CHD4: variants seen among roughly 807,000 people sequenced by gnomAD.
The protein encoded by CHD4 is chromodomain helicase DNA binding protein 4.
A neutral mutation model predicts 235.5 loss-of-function variants in CHD4; 35 were observed. The observed-to-expected ratio is 0.15, with a 90% confidence interval of 0.11 to 0.20. The LOEUF (loss-of-function observed/expected upper bound fraction) is 0.20. Ranked by LOEUF, CHD4 falls within the 10% of genes least tolerant of loss-of-function variation. The probability of loss-of-function intolerance (pLI) is 1.00; values close to 1 mark genes in which losing one functional copy is unlikely to be tolerated. For synonymous variants in CHD4, 900 were observed against 850.2 expected (o/e 1.06, Z -1.02); for missense variants, 1,329 against 2,432.3 (o/e 0.55, Z 9.54).
intron 19 of CHD4, 145 bp from the exon 20 acceptor site, chr12:6,592,202 A>G (rs1948412708): frequency 8.0e-7 from 1 of 1,253,672 alleles, no homozygotes; most frequent in Non-Finnish European, 1.1e-6. Context: ...CACCACCACC[A>G]TTTTAAATAA....
chr12:6,605,581 G>A (rs1465193262), intron 2 of CHD4, among the ~76,000 whole-genome samples: 1 of 152,100 alleles, frequency 6.6e-6, no homozygotes, highest in Non-Finnish European at 1.5e-5. Context: ...GAAGCCACTA[G>A]GAAAAAAGCC....
intron 7 of CHD4, 84 bp downstream of exon 7, chr12:6,600,842 C>G: frequency 6.6e-7 from 1 of 1,519,608 alleles, no homozygotes; most frequent in African/African-American, 1.4e-5. Flanking sequence ...TACGTGCCTA[C>G]TATGAAGGAC....
chr12:6,581,692 T>C lies in CHD4; in HGVS notation c.4638A>G (p.Pro1546=). 6.2e-7 allele frequency: 1 copy of C among 1,610,938 alleles called. No individual in the cohort carries two copies. The highest frequency in any genetic ancestry group is 8.5e-7 in the Non-Finnish European group (1 of 1,178,048). The change falls in exon 31 of 40, where the codon CCA becomes CCG. Residue 1546 remains proline (P), a synonymous_variant. Coordinates refer to ENST00000544040, the MANE Select transcript of CHD4 (RefSeq NM_001273.5). ...CAGGAGTGTTGGGCTGCGTGTCCCC[T>C]GGAGTGGAGGGTGTAGGAGTTTTTG... ...PSPKTPTPST[P]GDTQPNTPAP... is the part of the protein sequence containing the mutation.
rs757358084 is a variant in CHD4 at position 6,581,301 on chromosome 12, G to A, written c.4769C>T (p.Thr1590Ile). 1 of 1,614,100 alleles carries A rather than the reference G, an allele frequency of 6.2e-7. No individual in the cohort carries two copies. The highest frequency in any genetic ancestry group is 1.7e-5 in the Admixed American group (1 of 60,014). ...CACCCCATCTCTTACCTCAATGGCA[G>A]TCTCAGGGGCTGTAGATTTAACCTC... ...EKEVKSTAPE[T>I]AIECTQAPAP... Residue 1590 changes from threonine to isoleucine, a missense_variant, in exon 32 of 40, where the codon ACT (threonine) becomes ATT (isoleucine). Physicochemically the swap from Thr to Ile is moderately conservative, Grantham distance 89 (BLOSUM62 -1). Around this residue, in one of 26 missense-constraint regions of CHD4, gnomAD observed 219 missense variants for 219.3 expected, o/e 1.00. Coordinates refer to ENST00000544040, the MANE Select transcript of CHD4 (RefSeq NM_001273.5).
intron 7 of CHD4, 89 bp from the exon 8 acceptor site, chr12:6,600,758 A>G: frequency 1.9e-6 from 3 of 1,546,406 alleles, no homozygotes; most frequent in Non-Finnish European, 2.6e-6. Flanking sequence ...CACTGGGGAC[A>G]CCAGAATCCC....
At position 6,591,909 on chromosome 12, in the gene CHD4, TA is replaced by T; in HGVS notation, c.3090+6del. 1.9e-6 allele frequency: 3 copies of T among 1,614,232 alleles called. No individual in the cohort carries two copies. Among genetic ancestry groups the T allele is most frequent in the Non-Finnish European group, 2.5e-6 (3 of 1,180,036 alleles). On this transcript the variant is annotated splice_donor_region_variant and intron_variant, in intron 20 of 39. Coordinates refer to ENST00000544040, the MANE Select transcript of CHD4 (RefSeq NM_001273.5). ...CCCAGGGAGGAACAGGAGATGGCAC[TA>T]CATACCATTGCAGCCACAGGGAAGA...
At chr12:6,590,505 A>T (rs1292678952) in intron 22 of CHD4, among the ~76,000 whole-genome samples, 4 of 152,210 alleles carry the variant, frequency 2.6e-5, no homozygotes, top group East Asian at 3.8e-4. Context: ...ATTAAAATAA[A>T]AAGTTTTTTT....
chr12:6,570,952 G>A lies in CHD4; in HGVS notation c.5638C>T (p.Pro1880Ser), dbSNP rs1947956104. The A allele has an allele frequency of 2.5e-6, 4 of 1,614,016 alleles. No individual in the cohort carries two copies. The highest frequency in any genetic ancestry group is 3.4e-6 in the Non-Finnish European group (4 of 1,180,020). Reference protein sequence around the residue: ...RLPATIARIPPVAVRLQMSER... With the variant: ...RLPATIARIPSVAVRLQMSER... ...GACATCTGTAACCTCACAGCAACTG[G>A]GGGAATTCGGGCAATGGTAGCTGGG... Residue 1880 changes from proline (P) to serine (S), a missense_variant, in exon 39 of 40, where the codon CCA becomes TCA. Pro to Ser is a moderately conservative substitution (Grantham distance 74, BLOSUM62 -1). Transcript: ENST00000544040.
rs1202768951 is a variant in CHD4, at chr12:6,600,586, G to A, written c.1011C>T (p.Ser337=). The A allele has an allele frequency of 1.9e-6, 3 of 1,613,932 alleles. No individual in the cohort carries two copies. In the African/African-American group the frequency reaches 4.0e-5, roughly 22 times the overall value. The part of the protein sequence containing the change: ...NSYSVSDGST[S]RSSRSRKKLR... Reference sequence around the variant, plus strand: ...GTTTCTTGCGGCTGCGGCTACTACGGCTGGTGGAACCATCAGAAACAGAAT... The same window carrying A: ...GTTTCTTGCGGCTGCGGCTACTACGACTGGTGGAACCATCAGAAACAGAAT... Residue 337 remains serine, a synonymous_variant, in exon 8 of 40, where the codon AGC becomes AGT. Transcript: ENST00000544040.
chr12:6,592,257 C>A (rs1948414151), intron 19 of CHD4, 136 bp downstream of exon 19: 2 of 1,295,210 alleles, frequency 1.5e-6, no homozygotes, highest in East Asian at 2.4e-5. Flanking sequence ...CGCTCCAGCG[C>A]CCTAGCATCA....
chr12:6,577,923 G>A lies in CHD4; in HGVS notation c.5229-6C>T. 1.2e-6 allele frequency: 2 copies of A among 1,613,896 alleles called. No individual in the cohort carries two copies. Among genetic ancestry groups the A allele is most frequent in the East Asian group, 2.2e-5 (1 of 44,890 alleles). On this transcript the variant is annotated splice_region_variant and splice_polypyrimidine_tract_variant and intron_variant, in intron 36 of 39. Coordinates refer to ENST00000544040, the MANE Select transcript of CHD4 (RefSeq NM_001273.5). ...GCCACCGGGCATAGCCATGGCTATT[G>A]GAAAAGTGCTCAGGAAAAACAAAAC...
rs775278280 is a variant in CHD4 at position 6,581,796 on chromosome 12, C to T, written c.4534G>A (p.Val1512Ile). 14 of 1,531,210 alleles carry T rather than the reference C, an allele frequency of 9.1e-6. No individual in the cohort carries two copies. In the Admixed American group the frequency reaches 3.0e-4, roughly 33 times the overall value. The allele number at this position is 1,531,210 out of a possible 1,614,324, so 94.9% of individuals were successfully genotyped here. A position where few individuals can be genotyped will look rare whatever the true frequency, so the allele number is the denominator to read the frequency against. Reference sequence around the variant, plus strand: ...TCAGGCATGCTCCAGCGCCCATTAACATGTTCAAACTCCTGAACCTGTAGC... The same window carrying T: ...TCAGGCATGCTCCAGCGCCCATTAATATGTTCAAACTCCTGAACCTGTAGC... Reference protein sequence around the residue: ...IRKKVQEFEHVNGRWSMPELA... With the variant: ...IRKKVQEFEHINGRWSMPELA... Residue 1512 changes from valine (V) to isoleucine (I), a missense_variant, in exon 31 of 40, where the codon GTT (valine) becomes ATT (isoleucine). Val to Ile is a conservative substitution (Grantham distance 29). This residue lies in a region of CHD4 where 219 missense variants were observed against 219.3 expected (regional missense o/e 1.00). Transcript: ENST00000544040.
Position 6,593,776 on chromosome 12 carries a change from T to TC in CHD4, c.2314-161dup, listed in dbSNP as rs1948439874. Among the ~76,000 whole-genome samples, 2 of 152,074 alleles carry TC rather than the reference T, an allele frequency of 1.3e-5. No homozygotes were observed. The highest frequency in any genetic ancestry group is 2.9e-5 in the Non-Finnish European group (2 of 68,026). On this transcript the variant is annotated intron_variant, in intron 15 of 39. Coordinates refer to ENST00000544040, the MANE Select transcript of CHD4 (RefSeq NM_001273.5). The surrounding 1 kb of genome is among the most constrained non-coding windows in gnomAD (Gnocchi z 4.9). Reference sequence around the variant, plus strand: ...TCCTCTATACAAGTGCCCAGCCCACTCCTTTCCAAAAACCCAAGGTCCCAC... The same window carrying TC: ...TCCTCTATACAAGTGCCCAGCCCACTCCCTTTCCAAAAACCCAAGGTCCCAC...
chr12:6,572,429 A>C (rs560934343), intron 38 of CHD4, among the ~76,000 whole-genome samples: 7 of 148,098 alleles, frequency 4.7e-5, no homozygotes, highest in Non-Finnish European at 7.5e-5. Context: ...CTATCTCAGA[A>C]AAAAAAAAAA....
chr12:6,573,350 TCA>T (rs1345923779), intron 37 of CHD4, 81 bp from the exon 38 acceptor site: 1 of 1,180,600 alleles, frequency 8.5e-7, no homozygotes, highest in African/African-American at 1.6e-5. Context: ...AGCTCACCTC[TCA>T]TTGTTTCAGA....
chr12:6,572,107 C>G (rs1337276317), intron 38 of CHD4, among the ~76,000 whole-genome samples: 1 of 150,112 alleles, frequency 6.7e-6, no homozygotes, highest in Non-Finnish European at 1.5e-5. Context: ...GCCTGGGCAA[C>G]AAGAGCAAAA....
chr12:6,592,844 A>G, intron 17 of CHD4, 27 bp from the exon 18 acceptor site: 1 of 1,600,638 alleles, frequency 6.2e-7, no homozygotes, highest in Non-Finnish European at 8.5e-7. Context: ...AGAAAGGTGA[A>G]ATCCAATGAA....
chr12:6,603,566 C>CG (rs148670709), intron 2 of CHD4, among the ~76,000 whole-genome samples: 12,117 of 57,532 alleles, frequency 0.21, 685 homozygotes, highest in East Asian at 0.37. Flanking sequence ...GGTGGGGTGG[C>CG]GGGGGGGGAG....
chr12:6,591,349 A>G (rs1948396535), intron 22 of CHD4, 117 bp downstream of exon 22: 1 of 770,706 alleles, frequency 1.3e-6, no homozygotes, highest in African/African-American at 1.7e-5. Context: ...GCTTTACTCC[A>G]TCTCAAATGA....
Sources: gnomAD v4.1 joint callset for allele counts (sites outside exome capture counted in the v4.1 genomes callset) on GRCh38, gnomAD v4.1.1 for gene constraint, gnomAD v4.1.1 regional missense constraint, Gnocchi (gnomAD v3.1) non-coding constraint, MANE v1.5 for transcripts, NCBI Gene and HGNC (gene_info 2026-07-23, HGNC 2026-07-21) for gene names.